Variants in PKDREJ observed in about 807,000 individuals in gnomAD.
The protein encoded by PKDREJ is PKD and REJ homolog.
For missense variants in PKDREJ, 2,507 were observed against 2,807.2 expected (o/e 0.89, Z 2.42); for synonymous variants, 1,031 against 1,095.5 (o/e 0.94, Z 1.16).
Position 46,262,759 on chromosome 22 carries a change from G to A in PKDREJ, c.564C>T (p.Pro188=). The change falls in exon 1 of 1, where the codon CCC becomes CCT. Residue 188 remains proline, a synonymous_variant. Coordinates refer to ENST00000253255, the MANE Select transcript of PKDREJ (RefSeq NM_006071.2). This position sits in a 1 kb window ranked among gnomAD's most constrained non-coding sequence, Gnocchi z 8.1. ...TGACGGCCTGCAACATCACGCGCGCGGGGCCGTCTGTGGGGCACTCGGTGC... is the reference window on the plus strand; with the variant it reads ...TGACGGCCTGCAACATCACGCGCGCAGGGCCGTCTGTGGGGCACTCGGTGC... The part of the protein sequence containing the change: ...VARTECPTDG[P]ARVMLQAVNS... The A allele has an allele frequency of 4.4e-6, 7 of 1,588,582 alleles. No individual in the cohort carries two copies. Among genetic ancestry groups the A allele is most frequent in the Non-Finnish European group, 6.0e-6 (7 of 1,167,906 alleles).
In PKDREJ at chr22:46,258,434, A is replaced by G; in HGVS notation, c.4889T>C (p.Ile1630Thr). The change falls in exon 1 of 1, where the codon ATT (isoleucine) becomes ACT (threonine). Residue 1630 changes from isoleucine (I) to threonine (T), a missense_variant. By Grantham distance (89) the Ile-to-Thr change is moderately conservative (BLOSUM62 -1). Coordinates refer to ENST00000253255, the MANE Select transcript of PKDREJ (RefSeq NM_006071.2). The surrounding 1 kb of genome is among the most constrained non-coding windows in gnomAD (Gnocchi z 6.1). ...CGTTCTGAAGCCTGACAGGAGTATA[A>G]TTTTAGATGGCTGCACCAGAAGAAC... ...QSVLLVQPSK[I>T]ILLSGFRTNK... 1.2e-6 allele frequency: 2 copies of G among 1,614,166 alleles called. No individual in the cohort carries two copies. Among genetic ancestry groups the G allele is most frequent in the Non-Finnish European group, 8.5e-7 (1 of 1,180,044 alleles).
At position 46,260,811 on chromosome 22, in the gene PKDREJ, A is replaced by T. The variant is rs1169825318; in HGVS notation, c.2512T>A (p.Ser838Thr). The T allele has an allele frequency of 6.2e-7, 1 of 1,613,930 alleles. No individual in the cohort carries two copies. Among genetic ancestry groups the T allele is most frequent in the Non-Finnish European group, 8.5e-7 (1 of 1,179,968 alleles). The change falls in exon 1 of 1, where the codon TCA becomes ACA. Residue 838 changes from serine (S) to threonine (T), a missense_variant. Transcript: ENST00000253255. The surrounding 1 kb of genome is among the most constrained non-coding windows in gnomAD (Gnocchi z 4.5). ...KDPFYVIESL[S>T]DTILANKVPG... ...ACTTTATTAGCCAGTATTGTGTCTG[A>T]TAGAGATTCTATTACATAGAAAGGA... is the stretch of plus-strand genomic sequence containing the variant.
At position 46,260,098 on chromosome 22, in the gene PKDREJ, A is replaced by G. The variant is rs749966431; in HGVS notation, c.3225T>C (p.Cys1075=). Residue 1075 remains cysteine, a synonymous_variant, in exon 1 of 1, where the codon TGT becomes TGC. Coordinates refer to ENST00000253255, the MANE Select transcript of PKDREJ (RefSeq NM_006071.2). The surrounding 1 kb of genome is among the most constrained non-coding windows in gnomAD (Gnocchi z 4.5). ...LIAQHSHSPH[C]TVSIVLQAPR... Reference sequence around the variant, plus strand: ...GTGCCTGCAGAACTATGGATACAGTACAGTGGGGAGAGTGGCTGTGCTGAG... The same window carrying G: ...GTGCCTGCAGAACTATGGATACAGTGCAGTGGGGAGAGTGGCTGTGCTGAG... The G allele has an allele frequency of 2.5e-6, 4 of 1,613,972 alleles. No individual in the cohort carries two copies. The highest frequency in any genetic ancestry group is 3.3e-5 in the Admixed American group (2 of 59,984).
At position 46,258,141 on chromosome 22, in the gene PKDREJ, T is replaced by C. The variant is rs751552437; in HGVS notation, c.5182A>G (p.Ile1728Val). 2 of 1,614,108 alleles carry C rather than the reference T, an allele frequency of 1.2e-6. No individual in the cohort carries two copies. Among genetic ancestry groups the C allele is most frequent in the Admixed American group, 3.3e-5 (2 of 60,028 alleles). ...CAGTCAGTGTGACGTAGTAAGACGATAAGGATCAACAGAAGGGCTAGAAAG... is the reference window on the plus strand; with the variant it reads ...CAGTCAGTGTGACGTAGTAAGACGACAAGGATCAACAGAAGGGCTAGAAAG... ...FIFLALLLIL[I>V]VLLRHTDCFY... Residue 1728 changes from isoleucine to valine, a missense_variant, in exon 1 of 1, where the codon ATC becomes GTC. Physicochemically the swap from Ile to Val is conservative, Grantham distance 29. Transcript: ENST00000253255. This position sits in a 1 kb window ranked among gnomAD's most constrained non-coding sequence, Gnocchi z 6.1.
In PKDREJ at chr22:46,260,622, C is replaced by A. The variant is rs767747055; in HGVS notation, c.2701G>T (p.Gly901Cys). The A allele has an allele frequency of 3.7e-6, 6 of 1,613,980 alleles. No homozygotes were observed. Among genetic ancestry groups the A allele is most frequent in the Non-Finnish European group, 5.1e-6 (6 of 1,180,004 alleles). The change falls in exon 1 of 1, where the codon GGT becomes TGT. Residue 901 changes from glycine to cysteine, a missense_variant. Coordinates refer to ENST00000253255, the MANE Select transcript of PKDREJ (RefSeq NM_006071.2). This position sits in a 1 kb window ranked among gnomAD's most constrained non-coding sequence, Gnocchi z 4.5. ...VSSVPGLSAN[G>C]PISTMFCDFT... ...TCACAAAACATTGTAGAAATGGGAC[C>A]ATTTGCAGACAGACCAGGAACACTG...
chr22:46,259,496 C>CG lies in PKDREJ; in HGVS notation c.3826dup (p.Arg1276ProfsTer3). On this transcript the variant is annotated frameshift_variant, in exon 1 of 1. Coordinates refer to ENST00000253255, the MANE Select transcript of PKDREJ (RefSeq NM_006071.2). LOFTEE classifies it low-confidence loss of function (END_TRUNC). This position sits in a 1 kb window ranked among gnomAD's most constrained non-coding sequence, Gnocchi z 6.8. Reference sequence around the variant, plus strand: ...TAGGAGGAAAGTGTTGATGCTACCTCGGTAGAGAGTTGTGAAATGTGGATG... The same window carrying CG: ...TAGGAGGAAAGTGTTGATGCTACCTCGGGTAGAGAGTTGTGAAATGTGGATG... The CG allele has an allele frequency of 6.2e-7, 1 of 1,614,172 alleles. No individual in the cohort carries two copies.
rs769287933 is a variant in PKDREJ at position 46,257,318 on chromosome 22, T to C, written c.6005A>G (p.Asn2002Ser). ...AGTAAATATGCACTTTAAAGCAAAG[T>C]TGAGCAAATTATACACACTTCTCAC... The part of the protein sequence containing the change: ...SYVRSVYNLL[N>S]FALKCIFTVL... Residue 2002 changes from asparagine to serine, a missense_variant, in exon 1 of 1, where the codon AAC becomes AGC. Physicochemically the swap from Asn to Ser is conservative, Grantham distance 46 (BLOSUM62 1). Transcript: ENST00000253255. This position sits in a 1 kb window ranked among gnomAD's most constrained non-coding sequence, Gnocchi z 4.7. 5.6e-6 allele frequency: 9 copies of C among 1,613,960 alleles called. No homozygotes were observed. Among genetic ancestry groups the C allele is most frequent in the Admixed American group, 1.7e-5 (1 of 60,006 alleles).
In PKDREJ at chr22:46,257,645, T is replaced by G; in HGVS notation, c.5678A>C (p.Asn1893Thr). Residue 1893 changes from asparagine (N) to threonine (T), a missense_variant, in exon 1 of 1, where the codon AAT (asparagine) becomes ACT (threonine). Asn to Thr is a moderately conservative substitution (Grantham distance 65). Coordinates refer to ENST00000253255, the MANE Select transcript of PKDREJ (RefSeq NM_006071.2). The surrounding 1 kb of genome is among the most constrained non-coding windows in gnomAD (Gnocchi z 4.7). ...LYFFPEQQRF[N>T]STLRLKELQE... is the part of the protein sequence containing the mutation. The stretch of plus-strand genomic sequence containing the variant: ...AAGTTCTTTGAGCCTCAGTGTGGAA[T>G]TAAACCGCTGCTGTTCTGGAAAAAA... 1 of 1,614,180 alleles carries G rather than the reference T, an allele frequency of 6.2e-7. No individual in the cohort carries two copies. The highest frequency in any genetic ancestry group is 8.5e-7 in the Non-Finnish European group (1 of 1,180,016).
In PKDREJ at chr22:46,263,186, GGGGCGCCCCTGAGGAGGCCACC is replaced by G. The variant is rs745596283; in HGVS notation, c.115_136del (p.Gly39ArgfsTer26). On this transcript the variant is annotated frameshift_variant, in exon 1 of 1. Coordinates refer to ENST00000253255, the MANE Select transcript of PKDREJ (RefSeq NM_006071.2). LOFTEE classifies it low-confidence loss of function (END_TRUNC). The surrounding 1 kb of genome is among the most constrained non-coding windows in gnomAD (Gnocchi z 9.4). ...GCGGCCGCCGCGCACCCCGAGGCCC[GGGGCGCCCCTGAGGAGGCCACC>G]GGGCGCCCCGGAGACGGCGGCTTGT... is the stretch of plus-strand genomic sequence containing the variant. 4.6e-6 allele frequency: 6 copies of G among 1,302,040 alleles called. No homozygotes were observed. The South Asian group carries it at 9.9e-5, about 22-fold the overall frequency. The allele number at this position is 1,302,040 out of a possible 1,614,324, so 80.7% of individuals were successfully genotyped here. A position where few individuals can be genotyped will look rare whatever the true frequency, so the allele number is the denominator to read the frequency against.
Position 46,260,319 on chromosome 22 carries a change from C to T in PKDREJ, c.3004G>A (p.Val1002Ile). 1 of 1,614,198 alleles carries T rather than the reference C, an allele frequency of 6.2e-7. No individual in the cohort carries two copies. The highest frequency in any genetic ancestry group is 1.1e-5 in the South Asian group (1 of 91,082). Residue 1002 changes from valine (V) to isoleucine (I), a missense_variant, in exon 1 of 1, where the codon GTA (valine) becomes ATA (isoleucine). Coordinates refer to ENST00000253255, the MANE Select transcript of PKDREJ (RefSeq NM_006071.2). The surrounding 1 kb of genome is among the most constrained non-coding windows in gnomAD (Gnocchi z 4.5). The part of the protein sequence containing the change: ...TVLREVLVHI[V>I]TEVMVLFTVL... ...GTGAACAGCACCATCACTTCTGTTA[C>T]TATGTGGACCAGAACCTCCCTAAGC...
chr22:46,256,339 CTG>C lies in PKDREJ; in HGVS notation c.*220_*221del. 3.0e-6 allele frequency: 2 copies of C among 663,884 alleles called. No individual in the cohort carries two copies. Among genetic ancestry groups the C allele is most frequent in the Non-Finnish European group, 4.8e-6 (2 of 412,572 alleles). The allele number at this position is 663,884 out of a possible 1,614,324, so 41.1% of individuals were successfully genotyped here. A position where few individuals can be genotyped will look rare whatever the true frequency, so the allele number is the denominator to read the frequency against. ...GGGAAATCAGTCCAGGAATCCCACA[CTG>C]TGATCCTGCTGTCTCCCCAGATGCT... On this transcript the variant is annotated 3_prime_UTR_variant, in exon 1 of 1. Coordinates refer to ENST00000253255, the MANE Select transcript of PKDREJ (RefSeq NM_006071.2). The surrounding 1 kb of genome is among the most constrained non-coding windows in gnomAD (Gnocchi z 5.3).
rs936253594 is a variant in PKDREJ, at chr22:46,259,061, C to G, written c.4262G>C (p.Arg1421Thr). The G allele has an allele frequency of 3.7e-6, 6 of 1,613,690 alleles. No homozygotes were observed. Among genetic ancestry groups the G allele is most frequent in the Non-Finnish European group, 4.2e-6 (5 of 1,179,856 alleles). ...NRQEQTESRE[R>T]KYMRSMMIGI... is the part of the protein sequence containing the mutation. ...TATCATCATTGATCTCATGTATTTC[C>G]TCTCTCTTGACTCAGTTTGTTCTTG... The change falls in exon 1 of 1, where the codon AGG (arginine) becomes ACG (threonine). Residue 1421 changes from arginine (R) to threonine (T), a missense_variant. Arg to Thr is a moderately conservative substitution (Grantham distance 71). Coordinates refer to ENST00000253255, the MANE Select transcript of PKDREJ (RefSeq NM_006071.2). The surrounding 1 kb of genome is among the most constrained non-coding windows in gnomAD (Gnocchi z 6.8).
rs201869858 is a variant in PKDREJ, at chr22:46,261,123, G to A, written c.2200C>T (p.Arg734Ter). Residue 734 changes from arginine to a stop codon, truncating the protein, a stop_gained, in exon 1 of 1, where the codon CGA (arginine) becomes TGA (stop). Coordinates refer to ENST00000253255, the MANE Select transcript of PKDREJ (RefSeq NM_006071.2). LOFTEE classifies it low-confidence loss of function (END_TRUNC). This position sits in a 1 kb window ranked among gnomAD's most constrained non-coding sequence, Gnocchi z 7.1. ...LPLRDDRVNL[R>*]KHLIDQSFLL... ...AAAGACTGATCGATGAGGTGTTTTC[G>A]GAGATTGACTCTGTCATCTCGGAGA... 1.3e-4 allele frequency: 210 copies of A among 1,614,072 alleles called. No individual in the cohort carries two copies. Among genetic ancestry groups the A allele is most frequent in the Non-Finnish European group, 1.6e-4 (190 of 1,179,968 alleles).
At position 46,256,594 on chromosome 22, in the gene PKDREJ, G is replaced by A. The variant is rs375926338; in HGVS notation, c.6729C>T (p.Ile2243=). 2.5e-5 allele frequency: 40 copies of A among 1,613,512 alleles called. No homozygotes were observed. The highest frequency in any genetic ancestry group is 3.3e-5 in the Non-Finnish European group (39 of 1,179,898). ...CAAGGTAAACCATTTTCTTCCCGTT[G>A]ATGTTTCTGGTCTTCAGCCCCAGAT... The part of the protein sequence containing the change: ...HRYLGLKTRN[I]NGKKMVYLVV Residue 2243 remains isoleucine (I), a synonymous_variant, in exon 1 of 1, where the codon ATC becomes ATT. Coordinates refer to ENST00000253255, the MANE Select transcript of PKDREJ (RefSeq NM_006071.2). The surrounding 1 kb of genome is among the most constrained non-coding windows in gnomAD (Gnocchi z 5.3).
At position 46,256,963 on chromosome 22, in the gene PKDREJ, G is replaced by T; in HGVS notation, c.6360C>A (p.Asn2120Lys). 1.9e-6 allele frequency: 3 copies of T among 1,613,976 alleles called. No homozygotes were observed. Among genetic ancestry groups the T allele is most frequent in the Non-Finnish European group, 2.5e-6 (3 of 1,179,956 alleles). ...ATACTGTCTGAGTGGAATGAATCAA[G>T]TTACTGTAGTTCCATTCATGCTGAC... ...VFGQHEWNYS[N>K]LIHSTQTVFS... The change falls in exon 1 of 1, where the codon AAC becomes AAA. Residue 2120 changes from asparagine (N) to lysine (K), a missense_variant. By Grantham distance (94) the Asn-to-Lys change is moderately conservative. Coordinates refer to ENST00000253255, the MANE Select transcript of PKDREJ (RefSeq NM_006071.2). The surrounding 1 kb of genome is among the most constrained non-coding windows in gnomAD (Gnocchi z 5.3).
rs767273348 is a variant in PKDREJ at position 46,259,944 on chromosome 22, A to C, written c.3379T>G (p.Trp1127Gly). 6.2e-7 allele frequency: 1 copy of C among 1,613,974 alleles called. No individual in the cohort carries two copies. The highest frequency in any genetic ancestry group is 1.3e-5 in the African/African-American group (1 of 74,926). Residue 1127 changes from tryptophan to glycine, a missense_variant, in exon 1 of 1, where the codon TGG becomes GGG. By Grantham distance (184) the Trp-to-Gly change is radical. Transcript: ENST00000253255. This position sits in a 1 kb window ranked among gnomAD's most constrained non-coding sequence, Gnocchi z 6.8. Reference protein sequence around the residue: ...GYCILGEKTSWYEVHCICKNV... With the variant: ...GYCILGEKTSGYEVHCICKNV... ...TTGCAGATGCAGTGCACCTCATACC[A>C]GCTGGTCTTCTCACCAAGAATGCAA...
In PKDREJ at chr22:46,261,330, C is replaced by T. The variant is rs779324807; in HGVS notation, c.1993G>A (p.Ala665Thr). ...LGAFSQVTLH[A>T]TAQAPTDKNS... ...TTGTCAGTGGGAGCCTGTGCGGTGG[C>T]ATGCAAAGTCACCTGAGAAAAAGCT... Residue 665 changes from alanine (A) to threonine (T), a missense_variant, in exon 1 of 1, where the codon GCC (alanine) becomes ACC (threonine). Transcript: ENST00000253255. The surrounding 1 kb of genome is among the most constrained non-coding windows in gnomAD (Gnocchi z 7.1). 1.9e-6 allele frequency: 3 copies of T among 1,613,844 alleles called. No individual in the cohort carries two copies. In the South Asian group the frequency reaches 3.3e-5, roughly 18 times the overall value.
Position 46,259,953 on chromosome 22 carries a change from T to C in PKDREJ, c.3370A>G (p.Lys1124Glu). ...CAGTGCACCTCATACCAGCTGGTCT[T>C]CTCACCAAGAATGCAATAACCCTCT... ...WREGYCILGE[K>E]TSWYEVHCIC... Residue 1124 changes from lysine (K) to glutamate (E), a missense_variant, in exon 1 of 1, where the codon AAG (lysine) becomes GAG (glutamate). Coordinates refer to ENST00000253255, the MANE Select transcript of PKDREJ (RefSeq NM_006071.2). The surrounding 1 kb of genome is among the most constrained non-coding windows in gnomAD (Gnocchi z 6.8). 6.2e-7 allele frequency: 1 copy of C among 1,614,112 alleles called. No homozygotes were observed. Among genetic ancestry groups the C allele is most frequent in the Non-Finnish European group, 8.5e-7 (1 of 1,180,032 alleles).
In PKDREJ at chr22:46,262,867, G is replaced by A; in HGVS notation, c.456C>T (p.Ala152=). 1 of 1,114,396 alleles carries A rather than the reference G, an allele frequency of 9.0e-7. No homozygotes were observed. The highest frequency in any genetic ancestry group is 1.1e-6 in the Non-Finnish European group (1 of 909,590). 69.0% of individuals were successfully genotyped at this position (1,114,396 alleles called of 1,614,324 possible). ...AFRLRLLGPG[A]ARPASPAARV... ...GGGCCGCGGGGGAGGCCGGGCGGGC[G>A]GCGCCGGGTCCGAGCAGCCGCAGGC... The change falls in exon 1 of 1, where the codon GCC becomes GCT. Residue 152 remains alanine, a synonymous_variant. Transcript: ENST00000253255. The surrounding 1 kb of genome is among the most constrained non-coding windows in gnomAD (Gnocchi z 8.1).
Sources: gnomAD v4.1 joint callset for allele counts on GRCh38, gnomAD v4.1.1 for gene constraint, Gnocchi (gnomAD v3.1) non-coding constraint, MANE v1.5 for transcripts, NCBI Gene and HGNC (gene_info 2026-07-23, HGNC 2026-07-21) for gene names.